PAK1: variants seen among roughly 807,000 people sequenced by gnomAD.
PAK1 encodes serine/threonine-protein kinase PAK 1.
PAK1 carries 29 observed loss-of-function variants against 67.4 expected under a neutral mutation model. The ratio of observed to expected loss-of-function variants is 0.43; its 90% CI spans 0.32 to 0.59. The LOEUF is 0.59. Among genes scored for constraint, PAK1 ranks in the 20% least tolerant of loss-of-function variants. The probability of loss-of-function intolerance (pLI) is 0.07; values close to 1 mark genes in which losing one functional copy is unlikely to be tolerated. For synonymous variants in PAK1, 223 were observed against 237.4 expected, an observed-to-expected ratio of 0.94 and a Z score of 0.56; for missense variants, 337 against 670.7, an observed-to-expected ratio of 0.50 and a Z score of 5.50.
intron 1 of PAK1, among the ~76,000 whole-genome samples, chr11:77,468,894 T>TA (rs2135552922): frequency 6.6e-6 from 1 of 152,324 alleles, no homozygotes; most frequent in South Asian, 2.1e-4. Context: ...CTTCTATTAA[T>TA]ATGATCCTCA....
chr11:77,360,928 A>C (rs1946696857), intron 5 of PAK1, among the ~76,000 whole-genome samples: 1 of 151,810 alleles, frequency 6.6e-6, no homozygotes, highest in African/African-American at 2.4e-5. Flanking sequence ...GTAAGGAATC[A>C]ATTAAATTAT....
the PAK1 span, among the ~76,000 whole-genome samples, chr11:77,487,933 A>G: frequency 6.6e-6 from 1 of 152,196 alleles, no homozygotes; most frequent in Non-Finnish European, 1.5e-5. Context: ...GAACATAGGA[A>G]GTACCAGGCA....
chr11:77,378,319 G>A (rs1949365383), intron 4 of PAK1, among the ~76,000 whole-genome samples: 1 of 152,132 alleles, frequency 6.6e-6, no homozygotes, highest in African/African-American at 2.4e-5. Context: ...GGAATTAGGA[G>A]ACCTGGGTTC....
chr11:77,409,613 G>T (rs1258520612), intron 1 of PAK1, among the ~76,000 whole-genome samples: 1 of 151,646 alleles, frequency 6.6e-6, no homozygotes, highest in East Asian at 1.9e-4. Flanking sequence ...CCATAAAAAA[G>T]AATAAAATCC....
chr11:77,412,600 A>G (rs1423040325), intron 1 of PAK1, among the ~76,000 whole-genome samples: 2 of 151,772 alleles, frequency 1.3e-5, no homozygotes, highest in Admixed American at 6.6e-5. Context: ...AGTTATTTTT[A>G]TATTTTTTGT....
chr11:77,442,219 C>A (rs1956385045), intron 1 of PAK1, among the ~76,000 whole-genome samples: 1 of 152,198 alleles, frequency 6.6e-6, no homozygotes, highest in South Asian at 2.1e-4. Flanking sequence ...TAGCCAGCCT[C>A]TAAGATAGTA....
At chr11:77,405,143 G>C (rs1400122199) in intron 1 of PAK1, among the ~76,000 whole-genome samples, 2 of 152,200 alleles carry the variant, frequency 1.3e-5, no homozygotes, top group Non-Finnish European at 2.9e-5. Context: ...AAATGTCTTA[G>C]ATGAGAATAC....
chr11:77,439,658 T>TC lies in PAK1; in HGVS notation c.-22+33893dup, dbSNP rs1956273019. Reference sequence around the variant, plus strand: ...TCTGGTCCTATCCTTTCTCCTGCCCTCCTTCTATGTCTCTACCTCAGTACA... The same window carrying TC: ...TCTGGTCCTATCCTTTCTCCTGCCCTCCCTTCTATGTCTCTACCTCAGTACA... On this transcript the variant is annotated intron_variant, in intron 1 of 14. Coordinates refer to ENST00000356341, the MANE Select transcript of PAK1 (RefSeq NM_002576.5). Among the ~76,000 whole-genome samples, 3 of 152,324 alleles carry TC rather than the reference T, an allele frequency of 2.0e-5. No homozygotes were observed. The South Asian group carries it at 6.2e-4, about 32-fold the overall frequency.
At chr11:77,375,198 A>G (rs968606277) in intron 4 of PAK1, among the ~76,000 whole-genome samples, 4 of 152,198 alleles carry the variant, frequency 2.6e-5, no homozygotes, top group African/African-American at 7.2e-5. Context: ...GTCTCATTCT[A>G]AATACTACGC....
At chr11:77,411,849 G>A (rs971718292) in intron 1 of PAK1, 1 of 152,328 alleles carries the variant, frequency 6.6e-6, no homozygotes, top group African/African-American at 2.4e-5. Context: ...TGCCCAACCG[G>A]GTACCCACAA....
At chr11:77,430,728 C>G (rs1955820575) in intron 1 of PAK1, among the ~76,000 whole-genome samples, 1 of 152,210 alleles carries the variant, frequency 6.6e-6, no homozygotes, top group African/African-American at 2.4e-5. Flanking sequence ...ATTTCCTCCT[C>G]TGTTAAATGG....
intron 8 of PAK1, 83 bp from the exon 9 acceptor site, chr11:77,349,370 A>AG: frequency 1.5e-5 from 15 of 1,017,032 alleles, no homozygotes; most frequent in Non-Finnish European, 1.7e-5. Context: ...TTCTACACAC[A>AG]ATCTGTGAGT....
At chr11:77,437,099 A>G (rs762232735) in intron 1 of PAK1, among the ~76,000 whole-genome samples, 2 of 152,244 alleles carry the variant, frequency 1.3e-5, no homozygotes, top group Admixed American at 6.5e-5. Context: ...AATCATTAAG[A>G]TAAAGAGGTA....
chr11:77,428,285 C>T (rs183100392), intron 1 of PAK1, among the ~76,000 whole-genome samples: 2 of 152,220 alleles, frequency 1.3e-5, no homozygotes, highest in East Asian at 3.9e-4. Flanking sequence ...TAGTTAAGGC[C>T]AGGCGCGGTG....
At chr11:77,397,893 T>C (rs1040549702) in intron 1 of PAK1, among the ~76,000 whole-genome samples, 43 of 152,218 alleles carry the variant, frequency 2.8e-4, no homozygotes, top group Non-Finnish European at 7.3e-5. Flanking sequence ...AATTTATAGG[T>C]AGAGTAGGGA....
chr11:77,484,332 G>C, the PAK1 span, among the ~76,000 whole-genome samples: 2 of 152,066 alleles, frequency 1.3e-5, no homozygotes, highest in African/African-American at 2.4e-5. Flanking sequence ...CTCCATGTCA[G>C]TCCCCAGGAG....
intron 1 of PAK1, among the ~76,000 whole-genome samples, chr11:77,432,489 T>C (rs1373219000): frequency 1.3e-5 from 2 of 151,706 alleles, no homozygotes; most frequent in Non-Finnish European, 2.9e-5. Flanking sequence ...TACAAGCACC[T>C]AGATTAGAAA....
At chr11:77,517,389 G>A in the PAK1 span, among the ~76,000 whole-genome samples, 1 of 152,220 alleles carries the variant, frequency 6.6e-6, no homozygotes, top group Non-Finnish European at 1.5e-5. Context: ...AAAGGAAGGG[G>A]CAGCCCTATG....
At chr11:77,451,407 T>A (rs1041893054) in intron 1 of PAK1, among the ~76,000 whole-genome samples, 5 of 152,160 alleles carry the variant, frequency 3.3e-5, no homozygotes, top group African/African-American at 1.2e-4. Context: ...CTGATCCTAT[T>A]ACCATTACAT....
Sources: gnomAD v4.1 joint callset for allele counts (sites outside exome capture counted in the v4.1 genomes callset) on GRCh38, gnomAD v4.1.1 for gene constraint, MANE v1.5 for transcripts, NCBI Gene and HGNC (gene_info 2026-07-23, HGNC 2026-07-21) for gene names.